KCNB2: variants seen among roughly 807,000 people sequenced by gnomAD.
KCNB2 encodes potassium voltage-gated channel subfamily B member 2.
KCNB2 carries 15 observed loss-of-function variants against 61.5 expected under a neutral mutation model. The observed-to-expected ratio is 0.24, with a 90% CI of 0.16 to 0.38. KCNB2 has a LOEUF of 0.38. KCNB2 is among the 10% of genes least tolerant of loss of function. KCNB2 has a pLI of 1.00. For synonymous variants in KCNB2, 457 were observed against 446.0 expected (o/e 1.02, Z -0.31); for missense variants, 828 against 1,125.2 (o/e 0.74, Z 3.78).
intron 2 of KCNB2, among the ~76,000 whole-genome samples, chr8:72,592,379 G>A (rs1257853788): frequency 1.3e-5 from 2 of 152,070 alleles, no homozygotes; most frequent in Non-Finnish European, 2.9e-5. Flanking sequence ...GCATGTCATA[G>A]GGGTTAGCTG....
At chr8:72,929,975 G>A (rs956355805) in intron 2 of KCNB2, among the ~76,000 whole-genome samples, 2 of 117,186 alleles carry the variant, frequency 1.7e-5, no homozygotes, top group Admixed American at 1.2e-4. Flanking sequence ...ACAGGCCCCA[G>A]TGTGTGATAT....
intron 2 of KCNB2, among the ~76,000 whole-genome samples, chr8:72,789,889 G>C (rs537334376): frequency 1.6e-4 from 25 of 152,070 alleles, no homozygotes; most frequent in African/African-American, 6.0e-4. Context: ...CTGGGGAGGA[G>C]AATGTTGAAA....
At chr8:72,641,005 G>A (rs1209813492) in intron 2 of KCNB2, among the ~76,000 whole-genome samples, 29 of 152,046 alleles carry the variant, frequency 1.9e-4, no homozygotes, top group Non-Finnish European at 4.4e-5. Context: ...GGGACAGGAG[G>A]TATGTGTGTA....
At chr8:72,666,341 A>T (rs184865779) in intron 2 of KCNB2, among the ~76,000 whole-genome samples, 3,174 of 152,254 alleles carry the variant, frequency 0.021, 43 homozygotes, top group Non-Finnish European at 0.032. Flanking sequence ...AGAGGGAAAA[A>T]AGGCCCTTCC....
intron 2 of KCNB2, among the ~76,000 whole-genome samples, chr8:72,916,411 GA>G (rs1563423246): frequency 6.6e-6 from 1 of 152,130 alleles, no homozygotes; most frequent in African/African-American, 2.4e-5. Flanking sequence ...ACGGGACGGG[GA>G]GCACAGGTGA....
At chr8:72,557,189 T>TGTC (rs1271149391) in intron 1 of KCNB2, among the ~76,000 whole-genome samples, 1 of 152,146 alleles carries the variant, frequency 6.6e-6, no homozygotes, top group Non-Finnish European at 1.5e-5. Context: ...GTGATTAGAA[T>TGTC]ACATCAGGAA....
intron 2 of KCNB2, among the ~76,000 whole-genome samples, chr8:72,672,909 G>A (rs1806589114): frequency 6.6e-6 from 1 of 152,198 alleles, no homozygotes; most frequent in East Asian, 1.9e-4. Context: ...CATTAGTGAA[G>A]GTGTGGAGAA....
intron 2 of KCNB2, among the ~76,000 whole-genome samples, chr8:72,631,611 G>A (rs755926261): frequency 5.9e-5 from 9 of 152,172 alleles, no homozygotes; most frequent in Non-Finnish European, 8.8e-5. Context: ...AGGTACAGGG[G>A]TTTAAGACTT....
At chr8:72,694,209 C>T (rs1806982567) in intron 2 of KCNB2, among the ~76,000 whole-genome samples, 1 of 152,186 alleles carries the variant, frequency 6.6e-6, no homozygotes, top group African/African-American at 2.4e-5. Flanking sequence ...CTCTTGCAGA[C>T]ATGCAAAGCC....
intron 2 of KCNB2, among the ~76,000 whole-genome samples, chr8:72,912,188 A>G (rs922551178): frequency 2.0e-5 from 3 of 152,128 alleles, no homozygotes; most frequent in South Asian, 4.1e-4. Context: ...CACTGTCTTC[A>G]TTTCTGAAGT....
chr8:72,714,536 C>G (rs1307793886), intron 2 of KCNB2, among the ~76,000 whole-genome samples: 3 of 152,028 alleles, frequency 2.0e-5, no homozygotes, highest in Non-Finnish European at 4.4e-5. Flanking sequence ...ATTTTCAACC[C>G]AGAATTTCAT....
intron 2 of KCNB2, among the ~76,000 whole-genome samples, chr8:72,791,354 G>C (rs925909478): frequency 6.6e-6 from 1 of 151,966 alleles, no homozygotes; most frequent in Non-Finnish European, 1.5e-5. Context: ...GTTTGAGACC[G>C]GCCTGAGCAA....
chr8:72,628,400 G>GGTGT (rs1160601490), intron 2 of KCNB2, among the ~76,000 whole-genome samples: 2,548 of 47,318 alleles, frequency 0.054, 34 homozygotes, highest in Non-Finnish European at 0.086. Context: ...CCTGTTAGGG[G>GGTGT]GTGTGTGTGT....
At chr8:72,882,520 T>TGAGAGAGA (rs147239924) in intron 2 of KCNB2, among the ~76,000 whole-genome samples, 5,515 of 115,292 alleles carry the variant, frequency 0.048, 194 homozygotes, top group East Asian at 0.14. Flanking sequence ...TGCTGACAGT[T>TGAGAGAGA]GAGAGAGAGA....
At position 72,938,060 on chromosome 8, in the gene KCNB2, G is replaced by T; in HGVS notation, c.2705G>T (p.Gly902Val). The T allele has an allele frequency of 6.2e-7, 1 of 1,612,872 alleles. No homozygotes were observed. The highest frequency in any genetic ancestry group is 8.5e-7 in the Non-Finnish European group (1 of 1,179,430). Residue 902 changes from glycine to valine, a missense_variant, in exon 3 of 3, where the codon GGT (glycine) becomes GTT (valine). This residue lies in a region of KCNB2 where 559 missense variants were observed against 588.4 expected (regional missense o/e 0.95). Coordinates refer to ENST00000523207, the MANE Select transcript of KCNB2 (RefSeq NM_004770.3). ...PEIHSNPGDTGYCPTRETSM is the reference protein window; with the variant it reads ...PEIHSNPGDTVYCPTRETSM ...ATTCATTCCAACCCAGGAGACACAG[G>T]TTATTGTCCCACACGTGAAACCAGC...
chr8:72,855,776 A>G (rs1585934583), intron 2 of KCNB2, among the ~76,000 whole-genome samples: 1 of 152,312 alleles, frequency 6.6e-6, no homozygotes, highest in Non-Finnish European at 1.5e-5. Flanking sequence ...CAGCACTGTA[A>G]AATGGAAATA....
chr8:72,755,836 C>T (rs577083134), intron 2 of KCNB2, among the ~76,000 whole-genome samples: 3 of 152,242 alleles, frequency 2.0e-5, no homozygotes, highest in East Asian at 1.9e-4. Flanking sequence ...GTTCCCCCAC[C>T]GCACCCAACT....
At chr8:72,891,613 C>G (rs1563415194) in intron 2 of KCNB2, among the ~76,000 whole-genome samples, 1 of 152,158 alleles carries the variant, frequency 6.6e-6, no homozygotes, top group Non-Finnish European at 1.5e-5. Flanking sequence ...CACTTAAGTA[C>G]AACACCTAAA....
intron 1 of KCNB2, among the ~76,000 whole-genome samples, chr8:72,543,207 A>T (rs1806214244): frequency 6.6e-6 from 1 of 152,210 alleles, no homozygotes; most frequent in African/African-American, 2.4e-5. Context: ...AAAGCAATAT[A>T]AATTCCCTAT....
Sources: gnomAD v4.1 joint callset for allele counts (sites outside exome capture counted in the v4.1 genomes callset) on GRCh38, gnomAD v4.1.1 for gene constraint, gnomAD v4.1.1 regional missense constraint, MANE v1.5 for transcripts, NCBI Gene and HGNC (gene_info 2026-07-23, HGNC 2026-07-21) for gene names.